ANO4: variants seen among roughly 807,000 people sequenced by gnomAD.
The protein encoded by ANO4 is anoctamin-4.
A neutral mutation model predicts 141.9 loss-of-function variants in ANO4; 69 were observed. The observed-to-expected ratio is 0.49, with a 90% confidence interval of 0.40 to 0.59. ANO4 has a LOEUF of 0.59. Ranked by LOEUF, ANO4 falls within the 20% of genes least tolerant of loss-of-function variation. The pLI, the probability that ANO4 is intolerant of heterozygous loss-of-function variation, is 0.00. For synonymous variants in ANO4, 350 were observed against 394.3 expected (o/e 0.89, Z 1.33); for missense variants, 894 against 1,162.2 (o/e 0.77, Z 3.36).
At chr12:100,748,460 A>G (rs948374826) in intron 3 of ANO4, among the ~76,000 whole-genome samples, 3 of 152,168 alleles carry the variant, frequency 2.0e-5, no homozygotes, top group Admixed American at 6.5e-5. Context: ...CCTTTCTGCT[A>G]GAGTGTTAGT....
At chr12:100,992,940 C>T (rs2045207707) in intron 8 of ANO4, among the ~76,000 whole-genome samples, 2 of 152,212 alleles carry the variant, frequency 1.3e-5, no homozygotes, top group South Asian at 4.2e-4. Context: ...CCCTGTAATC[C>T]CAGCACTTTG....
intron 14 of ANO4, chr12:101,066,618 G>A (rs546271720): frequency 1.7e-4 from 86 of 516,676 alleles, no homozygotes; most frequent in African/African-American, 1.5e-3. Context: ...TTTTTCTAGA[G>A]ATGCCCTGCT....
intron 1 of ANO4, among the ~76,000 whole-genome samples, chr12:100,732,016 A>G (rs964065017): frequency 6.6e-6 from 1 of 152,210 alleles, no homozygotes; most frequent in Non-Finnish European, 1.5e-5. Flanking sequence ...TCCAAGTTAT[A>G]GCAATTATGA....
At chr12:101,090,263 A>G (rs1448423984) in intron 17 of ANO4, among the ~76,000 whole-genome samples, 5 of 152,214 alleles carry the variant, frequency 3.3e-5, no homozygotes, top group African/African-American at 1.2e-4. Context: ...TACCCAAAGG[A>G]TTATAAATCA....
chr12:100,738,827 T>C (rs2031724989), intron 2 of ANO4, among the ~76,000 whole-genome samples: 1 of 151,794 alleles, frequency 6.6e-6, no homozygotes, highest in Admixed American at 6.6e-5. Flanking sequence ...ACCTAAAATC[T>C]ACTGTTAGCA....
At position 100,719,754 on chromosome 12, in the gene ANO4, C is replaced by G. The variant is rs1254299942; in HGVS notation, c.22+2207C>G. Among the ~76,000 whole-genome samples the G allele has an allele frequency of 2.6e-5, 4 of 152,276 alleles. No homozygotes were observed. The East Asian group carries it at 7.7e-4, about 29-fold the overall frequency. On this transcript the variant is annotated intron_variant, in intron 1 of 29. Transcript: ENST00000644049. ...TCATTAGCAGCAGCCTCTAGTAATC[C>G]TCATTAGCTTCCCTTCTAATATGCA...
At chr12:100,784,634 A>G (rs2033809412) in intron 3 of ANO4, among the ~76,000 whole-genome samples, 2 of 152,204 alleles carry the variant, frequency 1.3e-5, no homozygotes, top group Admixed American at 1.3e-4. Context: ...TTAGCCCTAG[A>G]CAGAAATACA....
At chr12:100,786,482 C>A (rs1228116751) in intron 3 of ANO4, among the ~76,000 whole-genome samples, 1 of 152,226 alleles carries the variant, frequency 6.6e-6, no homozygotes, top group African/African-American at 2.4e-5. Flanking sequence ...ACTGGGCCAC[C>A]AAGGAACATC....
intron 5 of ANO4, among the ~76,000 whole-genome samples, chr12:100,950,747 C>T (rs574198676): frequency 6.6e-6 from 1 of 152,258 alleles, no homozygotes; most frequent in Non-Finnish European, 1.5e-5. Flanking sequence ...TGGCTGAGGT[C>T]TGTGAAGGTG....
intron 1 of ANO4, among the ~76,000 whole-genome samples, chr12:100,827,926 G>A (rs1222970050): frequency 2.0e-5 from 3 of 152,008 alleles, no homozygotes; most frequent in Non-Finnish European, 4.4e-5. Flanking sequence ...TTGGGGGGAA[G>A]CTTAAGGTTT....
intron 8 of ANO4, among the ~76,000 whole-genome samples, chr12:100,989,749 A>G (rs111204959): frequency 2.4e-5 from 1 of 42,308 alleles, no homozygotes; most frequent in Non-Finnish European, 4.7e-5. Flanking sequence ...ATGGATGGAT[A>G]TATGGATGGA....
intron 1 of ANO4, among the ~76,000 whole-genome samples, chr12:100,874,692 A>G (rs377747308): frequency 2.0e-5 from 3 of 151,752 alleles, no homozygotes; most frequent in African/African-American, 4.8e-5. Flanking sequence ...GCTAATTTTC[A>G]TATTTTTAGT....
At chr12:100,759,551 G>A (rs2032768296) in intron 3 of ANO4, among the ~76,000 whole-genome samples, 2 of 152,268 alleles carry the variant, frequency 1.3e-5, no homozygotes, top group East Asian at 1.9e-4. Flanking sequence ...GGTAAGACCC[G>A]AGAACCCTCC....
intron 5 of ANO4, among the ~76,000 whole-genome samples, chr12:100,957,999 C>T (rs2043244583): frequency 6.6e-6 from 1 of 152,180 alleles, no homozygotes; most frequent in Admixed American, 6.5e-5. Flanking sequence ...TGAGCCATGC[C>T]CAGCCACAAC....
At chr12:100,896,065 A>G (rs1429127865) in intron 1 of ANO4, among the ~76,000 whole-genome samples, 1 of 152,140 alleles carries the variant, frequency 6.6e-6, no homozygotes, top group Non-Finnish European at 1.5e-5. Flanking sequence ...AAGGATGGAC[A>G]GGATGGAGAG....
At chr12:100,799,575 T>TA (rs1846898628) in intron 1 of ANO4, among the ~76,000 whole-genome samples, 1 of 151,930 alleles carries the variant, frequency 6.6e-6, no homozygotes, top group Non-Finnish European at 1.5e-5. Flanking sequence ...AACTCCATCT[T>TA]ACGAAAAATA....
chr12:101,126,079 TTTG>T (rs2051302171), intron 26 of ANO4, among the ~76,000 whole-genome samples: 1 of 152,220 alleles, frequency 6.6e-6, no homozygotes, highest in African/African-American at 2.4e-5. Context: ...CTTTTAATAT[TTTG>T]TTATTAACTA....
intron 6 of ANO4, among the ~76,000 whole-genome samples, chr12:100,973,526 A>G (rs963209235): frequency 2.0e-5 from 3 of 152,206 alleles, no homozygotes; most frequent in Non-Finnish European, 2.9e-5. Flanking sequence ...TTATATGTCC[A>G]TGGATATTTT....
intron 3 of ANO4, among the ~76,000 whole-genome samples, chr12:100,787,406 G>T (rs2033908944): frequency 6.6e-6 from 1 of 152,198 alleles, no homozygotes; most frequent in Non-Finnish European, 1.5e-5. Context: ...GGATGTAAGT[G>T]AATGAGAGGA....
Sources: gnomAD v4.1 joint callset for allele counts (sites outside exome capture counted in the v4.1 genomes callset) on GRCh38, gnomAD v4.1.1 for gene constraint, MANE v1.5 for transcripts, NCBI Gene and HGNC (gene_info 2026-07-23, HGNC 2026-07-21) for gene names.